Variants in PRR16 observed in about 807,000 individuals in gnomAD.
PRR16 encodes proline rich 16, also known as protein Largen.
A neutral mutation model predicts 18.2 loss-of-function variants in PRR16; 6 were observed. The observed-to-expected ratio is 0.33, with a 90% confidence interval of 0.18 to 0.65. The LOEUF (loss-of-function observed/expected upper bound fraction) is 0.65, where lower values mean the gene tolerates loss of function less well. Ranked by LOEUF, PRR16 falls within the 30% of genes least tolerant of loss-of-function variation. The probability of loss-of-function intolerance (pLI) is 0.74; values close to 1 mark genes in which losing one functional copy is unlikely to be tolerated. For missense variants in PRR16, 412 were observed against 376.6 expected, an observed-to-expected ratio of 1.09 and a Z score of -0.78; for synonymous variants, 151 against 147.8, an observed-to-expected ratio of 1.02 and a Z score of -0.16.
intron 1 of PRR16, among the ~76,000 whole-genome samples, chr5:120,580,285 G>C (rs1753224317): frequency 6.6e-6 from 1 of 152,012 alleles, no homozygotes; most frequent in Non-Finnish European, 1.5e-5. Flanking sequence ...GGAGTGGTGA[G>C]AGAGGGCATT....
chr5:120,491,636 C>G (rs998157727), intron 1 of PRR16, among the ~76,000 whole-genome samples: 2 of 151,974 alleles, frequency 1.3e-5, no homozygotes, highest in Non-Finnish European at 2.9e-5. Flanking sequence ...CTCTGCCTCT[C>G]AGGTTCAAGC....
At chr5:120,642,365 A>T (rs1386125455) in intron 1 of PRR16, among the ~76,000 whole-genome samples, 1 of 152,028 alleles carries the variant, frequency 6.6e-6, no homozygotes, top group African/African-American at 2.4e-5. Flanking sequence ...TTAGATGTAA[A>T]GTTTAATCTG....
intron 1 of PRR16, among the ~76,000 whole-genome samples, chr5:120,536,482 C>T (rs1189658826): frequency 6.6e-6 from 1 of 152,126 alleles, no homozygotes; most frequent in South Asian, 2.1e-4. Flanking sequence ...AAGACTCCTA[C>T]AGATGAAATG....
At chr5:120,506,171 C>T (rs992380515) in intron 1 of PRR16, among the ~76,000 whole-genome samples, 3 of 151,996 alleles carry the variant, frequency 2.0e-5, no homozygotes, top group Admixed American at 6.6e-5. Context: ...GGGTCTTTCA[C>T]ATGAGTTCTC....
the PRR16 span, among the ~76,000 whole-genome samples, chr5:120,696,995 C>G: frequency 6.6e-6 from 1 of 151,846 alleles, no homozygotes; most frequent in Non-Finnish European, 1.5e-5. Context: ...AAAGTTAGGC[C>G]CTTAAATTAA....
chr5:120,777,956 C>T, the PRR16 span, among the ~76,000 whole-genome samples: 4 of 152,044 alleles, frequency 2.6e-5, no homozygotes, highest in Non-Finnish European at 4.4e-5. Context: ...TTTGGTTTCA[C>T]CATTATGGAA....
intron 1 of PRR16, among the ~76,000 whole-genome samples, chr5:120,671,131 C>A (rs755897008): frequency 6.2e-4 from 95 of 152,244 alleles, no homozygotes; most frequent in South Asian, 1.2e-3. Flanking sequence ...ACACACCATA[C>A]CCCTTACACT....
At chr5:120,523,643 A>C (rs1338117437) in intron 1 of PRR16, among the ~76,000 whole-genome samples, 3 of 152,194 alleles carry the variant, frequency 2.0e-5, no homozygotes, top group African/African-American at 7.2e-5. Context: ...AACTATAAAC[A>C]TTATACTAAA....
At chr5:120,760,849 T>C in the PRR16 span, among the ~76,000 whole-genome samples, 936 of 152,200 alleles carry the variant, frequency 6.1e-3, 12 homozygotes, top group African/African-American at 0.022. Flanking sequence ...GGTAGCACAA[T>C]GAAAACCTGA....
intron 1 of PRR16, among the ~76,000 whole-genome samples, chr5:120,481,843 G>C (rs941757233): frequency 6.6e-6 from 1 of 151,954 alleles, no homozygotes; most frequent in South Asian, 2.1e-4. Flanking sequence ...TTGTTTAATG[G>C]TTATATTCAA....
chr5:120,650,826 C>T (rs1391378240), intron 1 of PRR16, among the ~76,000 whole-genome samples: 2 of 152,016 alleles, frequency 1.3e-5, no homozygotes, highest in African/African-American at 4.8e-5. Flanking sequence ...GATTTATAGT[C>T]CTTTGGGTAT....
chr5:120,758,740 C>T, the PRR16 span, among the ~76,000 whole-genome samples: 1 of 152,064 alleles, frequency 6.6e-6, no homozygotes, highest in Non-Finnish European at 1.5e-5. Flanking sequence ...CCCAGCCATG[C>T]AGAACTGTGA....
At chr5:120,737,182 G>A in the PRR16 span, among the ~76,000 whole-genome samples, 1 of 152,168 alleles carries the variant, frequency 6.6e-6, no homozygotes, top group African/African-American at 2.4e-5. Flanking sequence ...GGACATCCTT[G>A]CTTTAGTCCT....
At chr5:120,643,051 T>A (rs552910471) in intron 1 of PRR16, among the ~76,000 whole-genome samples, 109 of 152,216 alleles carry the variant, frequency 7.2e-4, no homozygotes, top group African/African-American at 2.6e-3. Flanking sequence ...TAGAATAAAA[T>A]TCCTTTCAAA....
the PRR16 span, among the ~76,000 whole-genome samples, chr5:120,788,544 G>C: frequency 6.6e-6 from 1 of 151,976 alleles, no homozygotes; most frequent in Non-Finnish European, 1.5e-5. Context: ...TTGAGTGCTG[G>C]TTTCCTTTAC....
intron 1 of PRR16, among the ~76,000 whole-genome samples, chr5:120,603,983 A>G (rs546414719): frequency 3.3e-5 from 5 of 152,156 alleles, no homozygotes; most frequent in Admixed American, 6.6e-5. Context: ...TGTGTGGTCA[A>G]TCTTAGAGTA....
intron 1 of PRR16, among the ~76,000 whole-genome samples, chr5:120,613,488 A>G (rs887610726): frequency 6.6e-6 from 1 of 152,190 alleles, no homozygotes; most frequent in East Asian, 1.9e-4. Flanking sequence ...TGAACCCCAC[A>G]AAGACATTAT....
chr5:120,484,920 AT>A (rs1749744332), intron 1 of PRR16, among the ~76,000 whole-genome samples: 1 of 151,602 alleles, frequency 6.6e-6, no homozygotes, highest in Non-Finnish European at 1.5e-5. Flanking sequence ...AATTTCTTAT[AT>A]CATTTAAATA....
chr5:120,658,652 C>T lies in PRR16; in HGVS notation c.160-27302C>T, dbSNP rs188519781. On this transcript the variant is annotated intron_variant, in intron 1 of 1. Transcript: ENST00000407149. Reference sequence around the variant, plus strand: ...ACAAAAATAAGATACTACAACAATACATATGCATATGGAACTCCAAGACAT... The same window carrying T: ...ACAAAAATAAGATACTACAACAATATATATGCATATGGAACTCCAAGACAT... Among the ~76,000 whole-genome samples, 790 of 151,998 alleles carry T rather than the reference C, an allele frequency of 5.2e-3. 10 individuals are homozygous for T. The highest frequency in any genetic ancestry group is 0.018 in the African/African-American group (749 of 41,506).
Sources: allele counts gnomAD v4.1 joint callset (sites outside exome capture counted in the v4.1 genomes callset), GRCh38; gene constraint gnomAD v4.1.1; transcripts MANE v1.5; gene names NCBI Gene and HGNC (gene_info 2026-07-23, HGNC 2026-07-21).